Variants in PLD5 observed in about 807,000 individuals in gnomAD.
PLD5 encodes inactive phospholipase D5.
Under a neutral mutation model 61.1 loss-of-function variants are expected in PLD5, and 36 were observed. That is an observed-to-expected ratio of 0.59 (90% CI 0.45 to 0.78). The LOEUF is 0.78. Ranked by LOEUF, PLD5 falls within the 30% of genes least tolerant of loss-of-function variation. The pLI is 0.00. For synonymous variants in PLD5, 243 were observed against 242.8 expected, an observed-to-expected ratio of 1.00 and a Z score of -0.01; for missense variants, 515 against 644.4, an observed-to-expected ratio of 0.80 and a Z score of 2.17.
At chr1:242,524,774 C>T (rs1669399186), upstream of PLD5, 1 of 149,446 alleles carries the variant, frequency 6.7e-6, no homozygotes, top group Admixed American at 6.7e-5. Flanking sequence ...CTGGCCCAGC[C>T]AGCCCGCGCC....
Position 242,113,924 on chromosome 1 carries a change from C to G in PLD5, c.1036G>C (p.Asp346His). The G allele has an allele frequency of 6.2e-7, 1 of 1,613,650 alleles. No homozygotes were observed. The highest frequency in any genetic ancestry group is 1.7e-5 in the Admixed American group (1 of 59,912). The change falls in exon 7 of 10, where the codon GAC becomes CAC. Residue 346 changes from aspartate to histidine, a missense_variant. By Grantham distance (81) the Asp-to-His change is moderately conservative (BLOSUM62 -1). Transcript: ENST00000536534. ...CTTGTGCTGGAGATAGGCAGGTAGTCCATGACAGCGATGTACACATACTGC... is the reference window on the plus strand; with the variant it reads ...CTTGTGCTGGAGATAGGCAGGTAGTGCATGACAGCGATGTACACATACTGC... ...AKQYVYIAVM[D>H]YLPISSTSTK...
intron 1 of PLD5, among the ~76,000 whole-genome samples, chr1:242,478,699 G>C (rs1017535465): frequency 6.6e-6 from 1 of 152,182 alleles, no homozygotes; most frequent in Non-Finnish European, 1.5e-5. Context: ...TCCCTGGACT[G>C]CTAGGCATCG....
At chr1:242,477,231 C>T (rs568475933) in intron 1 of PLD5, among the ~76,000 whole-genome samples, 10 of 151,328 alleles carry the variant, frequency 6.6e-5, no homozygotes, top group South Asian at 2.1e-4. Context: ...GCCTGGGTGA[C>T]AAGAGCGAGA....
At position 242,224,854 on chromosome 1, in the gene PLD5, G is replaced by A. The variant is rs192898829; in HGVS notation, c.608-4739C>T. ...TATATTAAGGTACAATTTACTTGTA[G>A]TAAAATTCACCCTTTTGAGCATATA... On this transcript the variant is annotated intron_variant, in intron 4 of 9. Coordinates refer to ENST00000536534, the MANE Select transcript of PLD5 (RefSeq NM_001372062.1). Among the ~76,000 whole-genome samples, 28 of 152,260 alleles carry A rather than the reference G, an allele frequency of 1.8e-4. No homozygotes were observed. The East Asian group carries it at 5.2e-3, about 28-fold the overall frequency.
intron 1 of PLD5, among the ~76,000 whole-genome samples, chr1:242,506,783 AG>A (rs1298853354): frequency 6.6e-6 from 1 of 152,196 alleles, no homozygotes; most frequent in Non-Finnish European, 1.5e-5. Flanking sequence ...GGACGGGAAA[AG>A]ATTCTTCCCA....
intron 9 of PLD5, among the ~76,000 whole-genome samples, chr1:242,092,436 T>G (rs987475958): frequency 1.3e-5 from 2 of 152,198 alleles, no homozygotes; most frequent in East Asian, 3.8e-4. Flanking sequence ...CCAGACTGTA[T>G]GATAAACCAG....
chr1:242,325,433 G>A (rs1191544575), intron 2 of PLD5, among the ~76,000 whole-genome samples: 4 of 137,640 alleles, frequency 2.9e-5, no homozygotes, highest in African/African-American at 8.1e-5. Context: ...AGAAAGGGGT[G>A]GGGGGGAGAG....
chr1:242,115,139 C>T (rs540727281), intron 6 of PLD5, among the ~76,000 whole-genome samples: 2 of 152,178 alleles, frequency 1.3e-5, no homozygotes, highest in Non-Finnish European at 2.9e-5. Context: ...GATTGCATCA[C>T]TGCACTCCAG....
intron 1 of PLD5, among the ~76,000 whole-genome samples, chr1:242,434,817 T>C (rs542200336): frequency 2.0e-5 from 3 of 152,116 alleles, no homozygotes; most frequent in African/African-American, 7.2e-5. Context: ...GTTTCACCAT[T>C]TTAGCCAGGA....
intron 1 of PLD5, among the ~76,000 whole-genome samples, chr1:242,454,228 GAA>G (rs1164983023): frequency 1.1e-4 from 17 of 151,782 alleles, no homozygotes; most frequent in Admixed American, 2.6e-4. Context: ...AGCTACTCGA[GAA>G]GCTGAGGCAG....
chr1:242,516,475 T>C (rs544298049), intron 1 of PLD5, among the ~76,000 whole-genome samples: 2 of 152,206 alleles, frequency 1.3e-5, no homozygotes, highest in East Asian at 3.9e-4. Flanking sequence ...CATTTCACTT[T>C]CCAATTTAGG....
rs554285932 is a variant in PLD5, at chr1:242,392,974, C to T, written c.190-44732G>A. Among the ~76,000 whole-genome samples the T allele has an allele frequency of 3.7e-4, 56 of 151,510 alleles. 1 individual carries two copies. The East Asian group carries it at 1.0e-2, about 27-fold the overall frequency. ...TTCTCAGCACTTTGGGAGGCCGAGGCGGGTGGATTACCTGAAGTCAGGAGT... is the reference window on the plus strand; with the variant it reads ...TTCTCAGCACTTTGGGAGGCCGAGGTGGGTGGATTACCTGAAGTCAGGAGT... On this transcript the variant is annotated intron_variant, in intron 1 of 9. Coordinates refer to ENST00000536534, the MANE Select transcript of PLD5 (RefSeq NM_001372062.1).
chr1:242,375,977 T>C (rs917835448), intron 1 of PLD5, among the ~76,000 whole-genome samples: 1 of 152,214 alleles, frequency 6.6e-6, no homozygotes, highest in African/African-American at 2.4e-5. Flanking sequence ...CAACTGATTT[T>C]TTTCTGTCAA....
chr1:242,273,274 G>T lies in PLD5; in HGVS notation c.496-7826C>A, dbSNP rs1674218364. Among the ~76,000 whole-genome samples the T allele has an allele frequency of 2.6e-5, 4 of 151,980 alleles. No homozygotes were observed. The South Asian group carries it at 8.3e-4, about 32-fold the overall frequency. ...CATGAACTCATTCTTTTTTATGGCT[G>T]CATAGTATTCCATGGTGTATATGTG... On this transcript the variant is annotated intron_variant, in intron 3 of 9. Coordinates refer to ENST00000536534, the MANE Select transcript of PLD5 (RefSeq NM_001372062.1).
chr1:242,217,170 C>T (rs1231306657), intron 5 of PLD5, among the ~76,000 whole-genome samples: 1 of 152,230 alleles, frequency 6.6e-6, no homozygotes, highest in African/African-American at 2.4e-5. Flanking sequence ...TGTCTGATAA[C>T]ACAACATTCA....
chr1:242,176,366 G>A (rs993114770), intron 5 of PLD5, among the ~76,000 whole-genome samples: 2 of 152,080 alleles, frequency 1.3e-5, no homozygotes, highest in African/African-American at 2.4e-5. Flanking sequence ...ATGGTGTTGG[G>A]GAAACTGGCT....
At chr1:242,122,691 A>T (rs1238218908) in intron 6 of PLD5, among the ~76,000 whole-genome samples, 1 of 152,168 alleles carries the variant, frequency 6.6e-6, no homozygotes, top group African/African-American at 2.4e-5. Context: ...CCTCCTCCAT[A>T]CAAAAATGTT....
At chr1:242,107,276 G>A (rs1661133583) in intron 8 of PLD5, among the ~76,000 whole-genome samples, 1 of 152,124 alleles carries the variant, frequency 6.6e-6, no homozygotes, top group African/African-American at 2.4e-5. Flanking sequence ...AGGAGCTCAG[G>A]ACCAGCCTGG....
chr1:242,448,200 T>C (rs1666626757), intron 1 of PLD5, among the ~76,000 whole-genome samples: 1 of 152,164 alleles, frequency 6.6e-6, no homozygotes, highest in South Asian at 2.1e-4. Flanking sequence ...ATTTCTCTGG[T>C]CTGTGTCCCT....
Sources: allele counts gnomAD v4.1 joint callset (sites outside exome capture counted in the v4.1 genomes callset), GRCh38; gene constraint gnomAD v4.1.1; transcripts MANE v1.5; gene names NCBI Gene and HGNC (gene_info 2026-07-23, HGNC 2026-07-21).